The following ARHGAP10 variants were observed in gnomAD, a reference collection of about 807,000 sequenced individuals.
ARHGAP10 encodes the protein rho GTPase-activating protein 10.
In ARHGAP10, 87 loss-of-function variants were observed where a neutral mutation model predicts 108.6. The ratio of observed to expected loss-of-function variants is 0.80; its 90% CI spans 0.67 to 0.96. ARHGAP10 has a LOEUF of 0.96. Among genes scored for constraint, ARHGAP10 ranks in the 40% least tolerant of loss-of-function variants. The pLI, the probability that ARHGAP10 is intolerant of heterozygous loss-of-function variation, is 0.00. For missense variants in ARHGAP10, 939 were observed against 954.5 expected (o/e 0.98, Z 0.21); for synonymous variants, 347 against 341.1 (o/e 1.02, Z -0.19).
chr4:147,777,363 A>G (rs1730342348), intron 1 of ARHGAP10, among the ~76,000 whole-genome samples: 1 of 151,038 alleles, frequency 6.6e-6, no homozygotes, highest in South Asian at 2.1e-4. Flanking sequence ...GGTTCACGCC[A>G]TTCTCCTGAC....
intron 1 of ARHGAP10, among the ~76,000 whole-genome samples, chr4:147,758,722 T>G (rs181631961): frequency 6.6e-6 from 1 of 152,178 alleles, no homozygotes; most frequent in Non-Finnish European, 1.5e-5. Flanking sequence ...CTCAGGCCTG[T>G]GATCCCAGCA....
At chr4:147,970,920 T>C (rs1739380689) in intron 18 of ARHGAP10, among the ~76,000 whole-genome samples, 1 of 152,040 alleles carries the variant, frequency 6.6e-6, no homozygotes, top group African/African-American at 2.4e-5. Context: ...AAACCCCATC[T>C]CTACTTAAAA....
At chr4:147,776,014 C>T (rs530411023) in intron 1 of ARHGAP10, among the ~76,000 whole-genome samples, 7 of 152,120 alleles carry the variant, frequency 4.6e-5, no homozygotes, top group Middle Eastern at 3.4e-3. Context: ...ATCCAGGCTC[C>T]GAAAAGTTAG....
chr4:147,793,651 G>C (rs140864230), intron 1 of ARHGAP10, among the ~76,000 whole-genome samples: 152 of 152,272 alleles, frequency 1.0e-3, no homozygotes, highest in African/African-American at 3.2e-3. Context: ...CCTCACTTCT[G>C]AGGCTTCATG....
chr4:147,896,959 T>TA (rs1431930490), intron 10 of ARHGAP10, among the ~76,000 whole-genome samples: 2 of 152,240 alleles, frequency 1.3e-5, no homozygotes, highest in East Asian at 3.9e-4. Context: ...GAAAACAGTT[T>TA]ATAGTCTATC....
intron 14 of ARHGAP10, among the ~76,000 whole-genome samples, 177 bp downstream of exon 14, chr4:147,940,076 A>C (rs1738115790): frequency 6.6e-6 from 1 of 152,242 alleles, no homozygotes; most frequent in Non-Finnish European, 1.5e-5. Flanking sequence ...TATTTGCATC[A>C]GCATAGATTG....
chr4:147,853,665 A>G (rs1181791044), intron 4 of ARHGAP10, among the ~76,000 whole-genome samples: 1 of 152,142 alleles, frequency 6.6e-6, no homozygotes, highest in Non-Finnish European at 1.5e-5. Flanking sequence ...TTGTGTTACA[A>G]ATGTTTCCCT....
intron 15 of ARHGAP10, among the ~76,000 whole-genome samples, chr4:147,952,171 T>G (rs1156284685): frequency 6.6e-6 from 1 of 152,230 alleles, no homozygotes. Context: ...TTGCAGGATA[T>G]TTAACTTGCT....
chr4:148,024,744 T>C (rs1193503465), intron 19 of ARHGAP10, among the ~76,000 whole-genome samples: 1 of 152,260 alleles, frequency 6.6e-6, no homozygotes, highest in Non-Finnish European at 1.5e-5. Context: ...TCTGTCTCTT[T>C]CTTACGTTCA....
rs572437103 is a variant in ARHGAP10, at chr4:147,998,728, C to T, written c.1717-24535C>T. On this transcript the variant is annotated intron_variant, in intron 18 of 22. Transcript: ENST00000336498. Reference sequence around the variant, plus strand: ...CTATTAAGTGAAAAGAGAAAGTCAGCAGATTCCTAAAAGCATTTGAGAAAA... The same window carrying T: ...CTATTAAGTGAAAAGAGAAAGTCAGTAGATTCCTAAAAGCATTTGAGAAAA... 3.7e-4 allele frequency among the ~76,000 whole-genome samples: 56 copies of T among 152,206 alleles called. 1 individual carries two copies. The highest frequency in any genetic ancestry group is 6.5e-4 in the Admixed American group (10 of 15,282).
chr4:148,023,536 A>G, intron 19 of ARHGAP10, 123 bp downstream of exon 19: 1 of 1,146,384 alleles, frequency 8.7e-7, no homozygotes, highest in Non-Finnish European at 1.1e-6. Flanking sequence ...TTAAGATTAT[A>G]ATTTTGAGAT....
At chr4:147,734,906 T>G (rs1728358267) in intron 1 of ARHGAP10, among the ~76,000 whole-genome samples, 1 of 152,194 alleles carries the variant, frequency 6.6e-6, no homozygotes, top group South Asian at 2.1e-4. Flanking sequence ...ATATTTTATA[T>G]TTTATTTTAC....
intron 20 of ARHGAP10, among the ~76,000 whole-genome samples, chr4:148,053,683 G>A (rs542739712): frequency 1.3e-5 from 2 of 152,262 alleles, no homozygotes; most frequent in South Asian, 2.1e-4. Flanking sequence ...CAGTCTGGGG[G>A]TACAACTTTT....
At chr4:148,017,669 T>TG (rs1235521174) in intron 18 of ARHGAP10, among the ~76,000 whole-genome samples, 1 of 128,184 alleles carries the variant, frequency 7.8e-6, no homozygotes, top group Non-Finnish European at 1.5e-5. Context: ...TATATATATA[T>TG]ATATATATAT....
chr4:147,833,336 A>T (rs1733029297), intron 3 of ARHGAP10, among the ~76,000 whole-genome samples: 1 of 152,138 alleles, frequency 6.6e-6, no homozygotes, highest in Non-Finnish European at 1.5e-5. Flanking sequence ...TAAAAGTGGC[A>T]GTTTACCCTG....
At chr4:147,965,999 A>T (rs570835498) in intron 17 of ARHGAP10, among the ~76,000 whole-genome samples, 1 of 152,338 alleles carries the variant, frequency 6.6e-6, no homozygotes, top group East Asian at 1.9e-4. Context: ...TTGAATTGAG[A>T]CCTGAATTAA....
intron 1 of ARHGAP10, among the ~76,000 whole-genome samples, chr4:147,794,919 C>T (rs1327698013): frequency 6.6e-6 from 1 of 152,200 alleles, no homozygotes; most frequent in Non-Finnish European, 1.5e-5. Context: ...CATGTTATCA[C>T]TCATACTTTA....
At chr4:147,896,940 T>C (rs1736016485) in intron 10 of ARHGAP10, among the ~76,000 whole-genome samples, 1 of 152,148 alleles carries the variant, frequency 6.6e-6, no homozygotes, top group Non-Finnish European at 1.5e-5. Flanking sequence ...AAGTATTCTT[T>C]TGGTCAGAGA....
chr4:147,944,837 C>T (rs999156312), intron 14 of ARHGAP10, among the ~76,000 whole-genome samples: 3 of 152,086 alleles, frequency 2.0e-5, no homozygotes, highest in South Asian at 2.1e-4. Context: ...TATCATTCGT[C>T]GTAACCCATT....
Sources: gnomAD v4.1 joint callset for allele counts (sites outside exome capture counted in the v4.1 genomes callset) on GRCh38, gnomAD v4.1.1 for gene constraint, MANE v1.5 for transcripts, NCBI Gene and HGNC (gene_info 2026-07-23, HGNC 2026-07-21) for gene names.